The following RFX2 variants were observed in gnomAD, a reference collection of about 807,000 sequenced individuals.
RFX2 encodes regulatory factor X2.
Under a neutral mutation model 87.8 loss-of-function variants are expected in RFX2, and 20 were observed. The observed-to-expected ratio is 0.23, with a 90% CI of 0.16 to 0.33. The LOEUF (loss-of-function observed/expected upper bound fraction) is 0.33. Ranked by LOEUF, RFX2 falls within the 10% of genes least tolerant of loss-of-function variation. The probability of loss-of-function intolerance (pLI) is 1.00; values close to 1 mark genes in which losing one functional copy is unlikely to be tolerated. For missense variants in RFX2, 767 were observed against 1,012.3 expected (o/e 0.76, Z 3.29); for synonymous variants, 397 against 431.3 (o/e 0.92, Z 0.98).
intron 12 of RFX2, among the ~76,000 whole-genome samples, chr19:6,006,518 C>T (rs906879677): frequency 6.5e-5 from 9 of 137,682 alleles, no homozygotes; most frequent in East Asian, 4.3e-4. Flanking sequence ...GGTGTGATCT[C>T]GGCTCACTGC....
rs549000998 is a variant in RFX2 at position 6,034,315 on chromosome 19, G to A, written c.522+5665C>T. 1.1e-4 allele frequency among the ~76,000 whole-genome samples: 16 copies of A among 147,748 alleles called. No individual in the cohort carries two copies. The South Asian group carries it at 1.3e-3, about 12-fold the overall frequency. The stretch of plus-strand genomic sequence containing the variant: ...ACAATCTTGGCTCACTGCAACCTCC[G>A]CCTCCCGGGTTCAAGTGATTCTGCT... On this transcript the variant is annotated intron_variant, in intron 5 of 17. Coordinates refer to ENST00000303657, the MANE Select transcript of RFX2 (RefSeq NM_000635.4).
chr19:6,004,377 T>G lies in RFX2; in HGVS notation c.1403-79A>C. ...GGAAATCAGCATTCAGTGTAAGAGC[T>G]GGCCCAAGTGCGATGAAAATGACCA... is the stretch of plus-strand genomic sequence containing the variant. On this transcript the variant is annotated intron_variant, in intron 12 of 17. Coordinates refer to ENST00000303657, the MANE Select transcript of RFX2 (RefSeq NM_000635.4). The surrounding 1 kb of genome is among the most constrained non-coding windows in gnomAD (Gnocchi z 4.8). 8.4e-7 allele frequency: 1 copy of G among 1,183,958 alleles called. No individual in the cohort carries two copies. Among genetic ancestry groups the G allele is most frequent in the South Asian group, 1.2e-5 (1 of 82,054 alleles). 73.3% of individuals were successfully genotyped at this position (1,183,958 alleles called of 1,614,324 possible).
intron 1 of RFX2, among the ~76,000 whole-genome samples, chr19:6,058,957 A>T (rs956420710): frequency 1.2e-4 from 18 of 148,096 alleles, no homozygotes; most frequent in African/African-American, 4.5e-4. Context: ...CAGTGGAAAC[A>T]CCCGTTCCTT....
chr19:6,076,111 G>A (rs1181309460), intron 1 of RFX2, among the ~76,000 whole-genome samples: 1 of 152,168 alleles, frequency 6.6e-6, no homozygotes, highest in Non-Finnish European at 1.5e-5. Flanking sequence ...AGGCCAAGGT[G>A]GGCAGATCAC....
At chr19:6,065,375 G>A (rs1212415382) in intron 1 of RFX2, among the ~76,000 whole-genome samples, 1 of 152,172 alleles carries the variant, frequency 6.6e-6, no homozygotes, top group Non-Finnish European at 1.5e-5. Context: ...GGCCGGGCAC[G>A]GTGGCTTATG....
At chr19:6,072,103 G>A (rs2087614655) in intron 1 of RFX2, 1 of 152,094 alleles carries the variant, frequency 6.6e-6, no homozygotes, top group African/African-American at 2.4e-5. Flanking sequence ...CCAAATCCGA[G>A]CAAAAGATAA....
intron 5 of RFX2, among the ~76,000 whole-genome samples, chr19:6,038,334 A>AC (rs1309817785): frequency 6.7e-6 from 1 of 148,990 alleles, no homozygotes; most frequent in Non-Finnish European, 1.5e-5. Flanking sequence ...CTCAGAAAAA[A>AC]AAAAAAAAAA....
chr19:6,039,992 T>C lies in RFX2; in HGVS notation c.510A>G (p.Ser170=), dbSNP rs571529289. ...GCCTCCTACATACCGTGGCGGGCGA[T>C]GAGCGGGAGGTGTGGGCCAGGGAGT... The part of the protein sequence containing the change: ...TRHSLAHTSR[S]SPATLEMAIE... Residue 170 remains serine, a synonymous_variant, in exon 5 of 18, where the codon TCA becomes TCG. Transcript: ENST00000303657. The surrounding 1 kb of genome is among the most constrained non-coding windows in gnomAD (Gnocchi z 5.2). 6.3e-7 allele frequency: 1 copy of C among 1,582,142 alleles called. No homozygotes were observed. Among genetic ancestry groups the C allele is most frequent in the Non-Finnish European group, 8.6e-7 (1 of 1,160,380 alleles).
rs1433974834 is a variant in RFX2 at position 5,995,630 on chromosome 19, G to A, written c.2027C>T (p.Ala676Val). 6.4e-7 allele frequency: 1 copy of A among 1,552,552 alleles called. No individual in the cohort carries two copies. Among genetic ancestry groups the A allele is most frequent in the South Asian group, 1.2e-5 (1 of 84,088 alleles). The change falls in exon 17 of 18, where the codon GCC becomes GTC. Residue 676 changes from alanine (A) to valine (V), a missense_variant. Physicochemically the swap from Ala to Val is moderately conservative, Grantham distance 64. Around this residue, in one of 2 missense-constraint regions of RFX2, gnomAD observed 621 missense variants for 873.0 expected, o/e 0.71. Coordinates refer to ENST00000303657, the MANE Select transcript of RFX2 (RefSeq NM_000635.4). ...IAVMGEFNDL[A>V]SLSLTLLDKD... The stretch of plus-strand genomic sequence containing the variant: ...GTCGAGCAGCGTCAGCGACAGAGAG[G>A]CGAGATCGTTGAACTGAAAGAGAAA...
chr19:6,082,496 G>A (rs1033326023), intron 1 of RFX2, among the ~76,000 whole-genome samples: 26 of 151,954 alleles, frequency 1.7e-4, no homozygotes, highest in African/African-American at 4.4e-4. Context: ...GCAGTGGCGC[G>A]ATCACAGCTC....
rs987695826 is a variant in RFX2, at chr19:6,010,182, C to T, written c.969G>A (p.Pro323=). The change falls in exon 9 of 18, where the codon CCG becomes CCA. Residue 323 remains proline (P), a synonymous_variant. Coordinates refer to ENST00000303657, the MANE Select transcript of RFX2 (RefSeq NM_000635.4). The surrounding 1 kb of genome is among the most constrained non-coding windows in gnomAD (Gnocchi z 5.0). ...SGSHSGLHST[P]EQTMAVQSQH... The stretch of plus-strand genomic sequence containing the variant: ...GGCTCTGCACGGCCATGGTCTGTTC[C>T]GGAGTGCTGTGCAGGCCGCTGTGGG... 1.2e-5 allele frequency: 19 copies of T among 1,548,792 alleles called. No homozygotes were observed. Among genetic ancestry groups the T allele is most frequent in the African/African-American group, 9.6e-5 (7 of 72,986 alleles).
chr19:6,020,970 C>T lies in RFX2; in HGVS notation c.598-4699G>A, dbSNP rs1343224116. On this transcript the variant is annotated intron_variant, in intron 6 of 17. Transcript: ENST00000303657. The surrounding 1 kb of genome is among the most constrained non-coding windows in gnomAD (Gnocchi z 5.3). ...CCAGCGCCTCCCTCTCCCCGGCCCC[C>T]CAACAAAGGCCTGTGGTTCTGGGCT... Among the ~76,000 whole-genome samples the T allele has an allele frequency of 6.6e-6, 1 of 152,210 alleles. No homozygotes were observed. Among genetic ancestry groups the T allele is most frequent in the Non-Finnish European group, 1.5e-5 (1 of 68,044 alleles).
chr19:6,077,926 G>A (rs886543897), intron 1 of RFX2, among the ~76,000 whole-genome samples: 7 of 145,828 alleles, frequency 4.8e-5, no homozygotes, highest in African/African-American at 1.8e-4. Context: ...GTTGCAGTGA[G>A]CCAAGATCGC....
intron 3 of RFX2, among the ~76,000 whole-genome samples, chr19:6,042,877 A>C (rs551068571): frequency 3.9e-5 from 6 of 152,368 alleles, no homozygotes; most frequent in African/African-American, 1.2e-4. Context: ...CCCAGAGGGC[A>C]TCTTAGTGGC....
Position 6,017,205 on chromosome 19 carries a change from T to C in RFX2, c.598-934A>G, listed in dbSNP as rs2086738427. Among the ~76,000 whole-genome samples the C allele has an allele frequency of 6.6e-6, 1 of 152,216 alleles. No individual in the cohort carries two copies. Among genetic ancestry groups the C allele is most frequent in the Non-Finnish European group, 1.5e-5 (1 of 68,038 alleles). On this transcript the variant is annotated intron_variant, in intron 6 of 17. Coordinates refer to ENST00000303657, the MANE Select transcript of RFX2 (RefSeq NM_000635.4). The surrounding 1 kb of genome is among the most constrained non-coding windows in gnomAD (Gnocchi z 4.1). ...GGTCGCGCCACACTGTACTCCAGCC[T>C]GGGCGACAGGGCAAGACTTCGTCTC... is the stretch of plus-strand genomic sequence containing the variant.
Position 6,013,800 on chromosome 19 carries a change from T to C in RFX2, c.780-695A>G, listed in dbSNP as rs149733181. On this transcript the variant is annotated intron_variant, in intron 7 of 17. Coordinates refer to ENST00000303657, the MANE Select transcript of RFX2 (RefSeq NM_000635.4). This position sits in a 1 kb window ranked among gnomAD's most constrained non-coding sequence, Gnocchi z 4.1. The stretch of plus-strand genomic sequence containing the variant: ...AGCATTTCCTGAACTGTGTGAGGAA[T>C]GTGATCAAGGAATTCTGTACATAAT... Among the ~76,000 whole-genome samples the C allele has an allele frequency of 5.3e-5, 8 of 152,370 alleles. No individual in the cohort carries two copies. In the East Asian group the frequency reaches 1.3e-3, roughly 26 times the overall value.
rs779579164 is a variant in RFX2, at chr19:6,017,340, G to A, written c.598-1069C>T. Among the ~76,000 whole-genome samples the A allele has an allele frequency of 4.0e-4, 61 of 152,326 alleles. No individual in the cohort carries two copies. Among genetic ancestry groups the A allele is most frequent in the Admixed American group, 9.8e-4 (15 of 15,302 alleles). On this transcript the variant is annotated intron_variant, in intron 6 of 17. Coordinates refer to ENST00000303657, the MANE Select transcript of RFX2 (RefSeq NM_000635.4). The surrounding 1 kb of genome is among the most constrained non-coding windows in gnomAD (Gnocchi z 4.1). Reference sequence around the variant, plus strand: ...GAAGGGCTGCGAGAACTGTCCACACGAAGAGCTCAGTCCCCACACTGGGCA... The same window carrying A: ...GAAGGGCTGCGAGAACTGTCCACACAAAGAGCTCAGTCCCCACACTGGGCA...
intron 5 of RFX2, among the ~76,000 whole-genome samples, chr19:6,028,097 C>T (rs1281412990): frequency 1.3e-5 from 2 of 151,840 alleles, no homozygotes; most frequent in Admixed American, 6.6e-5. Flanking sequence ...TATTATTTCC[C>T]TTATTAGAAA....
Position 6,013,238 on chromosome 19 carries a change from TACA to T in RFX2, c.780-136_780-134del. On this transcript the variant is annotated intron_variant, in intron 7 of 17. Coordinates refer to ENST00000303657, the MANE Select transcript of RFX2 (RefSeq NM_000635.4). This position sits in a 1 kb window ranked among gnomAD's most constrained non-coding sequence, Gnocchi z 4.1. ...TCTCATTCTGTCGCCCAGGCTGGAG[TACA>T]GCAGTGCCATCTCGGCTCACTGCAA... 1.2e-6 allele frequency: 1 copy of T among 866,626 alleles called. No homozygotes were observed. Among genetic ancestry groups the T allele is most frequent in the Non-Finnish European group, 1.7e-6 (1 of 605,960 alleles). 53.7% of individuals were successfully genotyped at this position (866,626 alleles called of 1,614,324 possible).
Sources: allele counts gnomAD v4.1 joint callset (sites outside exome capture counted in the v4.1 genomes callset), GRCh38; gene constraint gnomAD v4.1.1; regional missense constraint gnomAD v4.1.1; non-coding constraint Gnocchi (gnomAD v3.1); transcripts MANE v1.5; gene names NCBI Gene and HGNC (gene_info 2026-07-23, HGNC 2026-07-21).